The following MYH9 variants were observed in gnomAD, a reference collection of about 807,000 sequenced individuals.
MYH9 encodes myosin heavy chain 9.
MYH9 carries 29 observed loss-of-function variants against 241.9 expected under a neutral mutation model. The observed-to-expected ratio is 0.12, with a 90% CI of 0.09 to 0.16. The LOEUF is 0.16. MYH9 is among the 10% of genes least tolerant of loss of function. The pLI, the probability that MYH9 is intolerant of heterozygous loss-of-function variation, is 1.00. For synonymous variants in MYH9, 1,047 were observed against 1,062.6 expected (o/e 0.99, Z 0.29); for missense variants, 1,803 against 2,595.5 (o/e 0.69, Z 6.63).
At chr22:36,337,560 C>T (rs1245343641) in intron 3 of MYH9, among the ~76,000 whole-genome samples, 3 of 152,240 alleles carry the variant, frequency 2.0e-5, no homozygotes, top group African/African-American at 7.2e-5. Flanking sequence ...AGTCCCCAGA[C>T]AGAGCCACCA....
At chr22:36,309,257 AG>A (rs779907238) in intron 15 of MYH9, 24 bp downstream of exon 15, 2 of 1,589,670 alleles carry the variant, frequency 1.3e-6, no homozygotes, top group Admixed American at 3.3e-5. Context: ...AAGAGGAGGC[AG>A]GGGGCGAAGG....
At chr22:36,341,666 C>T in intron 2 of MYH9, 140 bp from the exon 3 acceptor site, 1 of 910,002 alleles carries the variant, frequency 1.1e-6, no homozygotes, top group Non-Finnish European at 1.7e-6. Flanking sequence ...GGCCCTTGCT[C>T]CCAGTGGCCC....
rs2146349035 is a variant in MYH9 at position 36,306,732 on chromosome 22, ACCCTTTCC to A, written c.1844-133_1844-126del. The A allele has an allele frequency of 1.0e-5, 10 of 1,004,074 alleles. 1 individual carries two copies. The South Asian group carries it at 1.2e-4, about 12-fold the overall frequency. The allele number at this position is 1,004,074 out of a possible 1,614,324, so 62.2% of individuals were successfully genotyped here. On this transcript the variant is annotated intron_variant, in intron 15 of 40. Coordinates refer to ENST00000216181, the MANE Select transcript of MYH9 (RefSeq NM_002473.6). This position sits in a 1 kb window ranked among gnomAD's most constrained non-coding sequence, Gnocchi z 4.1. ...AGAGGAGACAGAATGAAACAACAGG[ACCCTTTCC>A]AATTGGAGCCTACACTGGGTGCTAA... is the stretch of plus-strand genomic sequence containing the variant.
chr22:36,327,666 C>T (rs918613890), intron 3 of MYH9, among the ~76,000 whole-genome samples, 178 bp from the exon 4 acceptor site: 1 of 152,180 alleles, frequency 6.6e-6, no homozygotes, highest in African/African-American at 2.4e-5. Flanking sequence ...GGGAGAGTGC[C>T]ATTGGGCAGC....
chr22:36,304,593 T>G (rs1442469291), intron 18 of MYH9, among the ~76,000 whole-genome samples: 1 of 152,186 alleles, frequency 6.6e-6, no homozygotes, highest in African/African-American at 2.4e-5. Flanking sequence ...ACTCAGAGCA[T>G]GCGCACAGCC....
At chr22:36,298,447 A>G (rs1180700020) in intron 24 of MYH9, among the ~76,000 whole-genome samples, 1 of 152,206 alleles carries the variant, frequency 6.6e-6, no homozygotes, top group African/African-American at 2.4e-5. Context: ...ATATGTGTTC[A>G]CATGTATTTA....
chr22:36,306,104 GAGA>G lies in MYH9; in HGVS notation c.2038-56_2038-54del. The G allele has an allele frequency of 6.2e-7, 1 of 1,608,762 alleles. No homozygotes were observed. Among genetic ancestry groups the G allele is most frequent in the Non-Finnish European group, 8.5e-7 (1 of 1,179,896 alleles). The stretch of plus-strand genomic sequence containing the variant: ...CTCACTTCCGTGCCTAGAACAGTCG[GAGA>G]ATAGTCAGGGAACCCCTATGAACCT... On this transcript the variant is annotated intron_variant, in intron 16 of 40. Transcript: ENST00000216181. The surrounding 1 kb of genome is among the most constrained non-coding windows in gnomAD (Gnocchi z 4.1).
chr22:36,334,427 TCTC>T (rs2017467026), intron 3 of MYH9, among the ~76,000 whole-genome samples: 1 of 152,110 alleles, frequency 6.6e-6, no homozygotes, highest in Non-Finnish European at 1.5e-5. Context: ...ATCAAGCACA[TCTC>T]CTAAAGCTCC....
At chr22:36,315,148 G>A (rs904142760) in intron 12 of MYH9, among the ~76,000 whole-genome samples, 5 of 151,884 alleles carry the variant, frequency 3.3e-5, no homozygotes, top group African/African-American at 4.9e-5. Flanking sequence ...TTGAGGTAGC[G>A]ATGCATAAAT....
chr22:36,300,893 C>G lies in MYH9; in HGVS notation c.2796G>C (p.Gln932His). 6.2e-7 allele frequency: 1 copy of G among 1,605,814 alleles called. No homozygotes were observed. Among genetic ancestry groups the G allele is most frequent in the Admixed American group, 1.7e-5 (1 of 60,030 alleles). ...ARVEEEEERC[Q>H]HLQAEKKKMQ... Reference sequence around the variant, plus strand: ...TCTTCTTCTTCTCCGCCTGCAGGTGCTGGCAGCGCTCCTCCTCCTCCTCCA... The same window carrying G: ...TCTTCTTCTTCTCCGCCTGCAGGTGGTGGCAGCGCTCCTCCTCCTCCTCCA... The change falls in exon 22 of 41, where the codon CAG (glutamine) becomes CAC (histidine). Residue 932 changes from glutamine to histidine, a missense_variant. Physicochemically the swap from Gln to His is conservative, Grantham distance 24. This residue lies in a region of MYH9 where 290 missense variants were observed against 360.5 expected (regional missense o/e 0.80). Transcript: ENST00000216181. This position sits in a 1 kb window ranked among gnomAD's most constrained non-coding sequence, Gnocchi z 5.0.
At position 36,309,264 on chromosome 22, in the gene MYH9, G is replaced by A. The variant is rs769797717; in HGVS notation, c.1843+18C>T. The A allele has an allele frequency of 8.1e-6, 13 of 1,606,422 alleles. No homozygotes were observed. Among genetic ancestry groups the A allele is most frequent in the African/African-American group, 4.0e-5 (3 of 74,770 alleles). On this transcript the variant is annotated intron_variant, in intron 15 of 40. Transcript: ENST00000216181. ...CCGCAGCCAAGAGGAGGCAGGGGGC[G>A]AAGGGCAAAGGGCGTACCATCCTTC...
chr22:36,287,698 T>C (rs926475708), intron 34 of MYH9, among the ~76,000 whole-genome samples: 2 of 152,228 alleles, frequency 1.3e-5, no homozygotes, highest in African/African-American at 4.8e-5. Context: ...GCCGAGATCA[T>C]GCCACTGCAC....
At position 36,306,244 on chromosome 22, in the gene MYH9, G is replaced by A. The variant is rs1408174839; in HGVS notation, c.2037+170C>T. Among the ~76,000 whole-genome samples the A allele has an allele frequency of 1.3e-5, 2 of 152,198 alleles. No individual in the cohort carries two copies. Among genetic ancestry groups the A allele is most frequent in the Non-Finnish European group, 2.9e-5 (2 of 68,018 alleles). On this transcript the variant is annotated intron_variant, in intron 16 of 40. Coordinates refer to ENST00000216181, the MANE Select transcript of MYH9 (RefSeq NM_002473.6). The surrounding 1 kb of genome is among the most constrained non-coding windows in gnomAD (Gnocchi z 4.1). ...ATGCCACCAAGAGGAAGTGCAGGCT[G>A]TGAATGTAGCGTATCTCCTAAGCGA...
At chr22:36,321,641 T>C (rs1021073527) in intron 7 of MYH9, 117 bp downstream of exon 7, 5 of 935,048 alleles carry the variant, frequency 5.3e-6, no homozygotes, top group Non-Finnish European at 8.9e-6. Flanking sequence ...ACAGAGAAGG[T>C]GTCAGGATGG....
chr22:36,365,448 T>C (rs2017996514), intron 1 of MYH9, among the ~76,000 whole-genome samples: 1 of 152,162 alleles, frequency 6.6e-6, no homozygotes, highest in African/African-American at 2.4e-5. Flanking sequence ...AACATTTATC[T>C]TAAGCTGTAA....
At chr22:36,334,504 C>T (rs549972529) in intron 3 of MYH9, among the ~76,000 whole-genome samples, 10 of 152,354 alleles carry the variant, frequency 6.6e-5, no homozygotes, top group Non-Finnish European at 1.0e-4. Flanking sequence ...GCCAGGACCG[C>T]GTCTGCTATC....
At chr22:36,380,219 G>A (rs573078723) in intron 1 of MYH9, among the ~76,000 whole-genome samples, 151 of 152,312 alleles carry the variant, frequency 9.9e-4, no homozygotes, top group African/African-American at 3.3e-3. Context: ...CAACAGCAGC[G>A]CCGGCAGCTC....
chr22:36,344,068 T>TG (rs1483011709), intron 2 of MYH9, among the ~76,000 whole-genome samples: 1 of 151,938 alleles, frequency 6.6e-6, no homozygotes, highest in Admixed American at 6.5e-5. Context: ...TCCTATGGAG[T>TG]GGTCTACGGG....
At chr22:36,360,419 T>C (rs2017919691) in intron 1 of MYH9, among the ~76,000 whole-genome samples, 2 of 152,102 alleles carry the variant, frequency 1.3e-5, no homozygotes, top group South Asian at 4.1e-4. Context: ...CAAAAAGAAA[T>C]CTGCTTAACT....
Sources: allele counts gnomAD v4.1 joint callset (sites outside exome capture counted in the v4.1 genomes callset), GRCh38; gene constraint gnomAD v4.1.1; regional missense constraint gnomAD v4.1.1; non-coding constraint Gnocchi (gnomAD v3.1); transcripts MANE v1.5; gene names NCBI Gene and HGNC (gene_info 2026-07-23, HGNC 2026-07-21).